PSG11: variants seen among roughly 807,000 people sequenced by gnomAD.
The protein encoded by PSG11 is pregnancy-specific beta-1-glycoprotein 11.
Under a neutral mutation model 36.0 loss-of-function variants are expected in PSG11, and 42 were observed. The observed-to-expected ratio is 1.17, with a 90% CI of 0.91 to 1.51. PSG11 has a LOEUF of 1.51. Among genes scored for constraint, PSG11 ranks in the 40% most tolerant of loss-of-function variants. The pLI is 0.00. For missense variants in PSG11, 558 were observed against 403.5 expected (o/e 1.38, Z -3.28); for synonymous variants, 206 against 153.5 (o/e 1.34, Z -2.53).
At position 43,015,390 on chromosome 19, in the gene PSG11, G is replaced by A. The variant is rs750342016; in HGVS notation, c.710-20C>T. The A allele has an allele frequency of 5.6e-6, 9 of 1,601,356 alleles. 1 individual carries two copies. Among genetic ancestry groups the A allele is most frequent in the Non-Finnish European group, 7.7e-6 (9 of 1,173,254 alleles). On this transcript the variant is annotated intron_variant, in intron 3 of 5. Transcript: ENST00000320078. Reference sequence around the variant, plus strand: ...GACCATCTGGAGGAAAGAGAATAAAGCCACAGTTGATGTCATCTGAGGGAA... The same window carrying A: ...GACCATCTGGAGGAAAGAGAATAAAACCACAGTTGATGTCATCTGAGGGAA...
chr19:43,011,616 G>C (rs371447847), intron 4 of PSG11, among the ~76,000 whole-genome samples: 1 of 151,300 alleles, frequency 6.6e-6, no homozygotes, highest in East Asian at 1.9e-4. Flanking sequence ...CTCTGAGCAT[G>C]GTGGGTCATG....
At chr19:43,010,473 T>G in intron 4 of PSG11, 2 of 1,150,688 alleles carry the variant, frequency 1.7e-6, no homozygotes, top group Non-Finnish European at 1.2e-6. Flanking sequence ...ATTCACCACC[T>G]CCTTTGCACA....
intron 3 of PSG11, among the ~76,000 whole-genome samples, chr19:43,016,839 C>T (rs535896361): frequency 6.6e-6 from 1 of 151,480 alleles, no homozygotes; most frequent in East Asian, 1.9e-4. Context: ...TGGATCTTTC[C>T]AGAAATACAT....
At position 43,016,301 on chromosome 19, in the gene PSG11, C is replaced by G. The variant is rs530983792; in HGVS notation, c.710-931G>C. Among the ~76,000 whole-genome samples, 5 of 151,398 alleles carry G rather than the reference C, an allele frequency of 3.3e-5. No individual in the cohort carries two copies. The South Asian group carries it at 1.0e-3, about 32-fold the overall frequency. On this transcript the variant is annotated intron_variant, in intron 3 of 5. Coordinates refer to ENST00000320078, the MANE Select transcript of PSG11 (RefSeq NM_002785.3). ...AGCAGTGTTGGGTCATGGACAGATA[C>G]GTCAGTGGGAGTCACAGCCCCTGGT...
intron 4 of PSG11, among the ~76,000 whole-genome samples, chr19:43,012,537 A>G (rs1974102911): frequency 6.8e-6 from 1 of 147,402 alleles, no homozygotes; most frequent in African/African-American, 2.6e-5. Flanking sequence ...AATAATTTCA[A>G]TTTATATTAA....
chr19:43,017,176 T>C (rs1486881160), intron 3 of PSG11: 1 of 151,350 alleles, frequency 6.6e-6, no homozygotes. Context: ...CTGTAGAGCT[T>C]GATGCGTATT....
intron 4 of PSG11, chr19:43,010,649 C>T (rs1440190744): frequency 1.1e-5 from 3 of 267,804 alleles, no homozygotes; most frequent in Non-Finnish European, 2.2e-5. Flanking sequence ...TTCTTTTTCA[C>T]AGGAATCAGC....
intron 4 of PSG11, among the ~76,000 whole-genome samples, chr19:43,012,367 C>G (rs950386935): frequency 6.6e-6 from 1 of 151,320 alleles, no homozygotes; most frequent in African/African-American, 2.4e-5. Flanking sequence ...TTTCTGTTTA[C>G]AGATAACTTG....
At chr19:43,012,718 T>C (rs1178082235) in intron 4 of PSG11, among the ~76,000 whole-genome samples, 1 of 151,468 alleles carries the variant, frequency 6.6e-6, no homozygotes, top group Non-Finnish European at 1.5e-5. Context: ...CTACCCAAAG[T>C]GAGCTGTGGA....
chr19:43,009,498 AT>A (rs1182470733), intron 5 of PSG11, among the ~76,000 whole-genome samples: 2 of 151,314 alleles, frequency 1.3e-5, no homozygotes, highest in Non-Finnish European at 2.9e-5. Context: ...AACTTATCAA[AT>A]AGGCTAGTGT....
At chr19:43,025,099 A>C in intron 1 of PSG11, 43 bp from the exon 2 acceptor site, 1 of 1,578,638 alleles carries the variant, frequency 6.3e-7, no homozygotes, top group Non-Finnish European at 8.6e-7. Flanking sequence ...AGACCTATGT[A>C]TTGGGGTGAA....
chr19:43,018,087 A>G (rs1453909955), intron 3 of PSG11, among the ~76,000 whole-genome samples: 2 of 151,352 alleles, frequency 1.3e-5, no homozygotes, highest in East Asian at 1.9e-4. Context: ...TGGAAAACAT[A>G]GTGCCAATGC....
chr19:43,022,379 C>A (rs1308095068), intron 2 of PSG11, among the ~76,000 whole-genome samples: 2 of 151,188 alleles, frequency 1.3e-5, no homozygotes, highest in Non-Finnish European at 2.9e-5. Context: ...GAGGCAGATT[C>A]AAGCACAAAC....
intron 4 of PSG11, among the ~76,000 whole-genome samples, chr19:43,013,573 A>C (rs1050328605): frequency 6.6e-6 from 1 of 151,250 alleles, no homozygotes; most frequent in Non-Finnish European, 1.5e-5. Flanking sequence ...CACCTCACAA[A>C]ATTTAGGATG....
intron 2 of PSG11, among the ~76,000 whole-genome samples, chr19:43,020,281 T>C (rs1350468688): frequency 1.3e-5 from 2 of 151,474 alleles, no homozygotes; most frequent in Non-Finnish European, 2.9e-5. Context: ...GCAGTACATG[T>C]ACTGGTTTAG....
Position 43,023,594 on chromosome 19 carries a change from G to A in PSG11, c.430+1097C>T, listed in dbSNP as rs193202826. Among the ~76,000 whole-genome samples the A allele has an allele frequency of 5.0e-3, 761 of 151,242 alleles. 19 individuals are homozygous for A. Among genetic ancestry groups the A allele is most frequent in the Middle Eastern group, 0.014 (4 of 292 alleles). On this transcript the variant is annotated intron_variant, in intron 2 of 5. Coordinates refer to ENST00000320078, the MANE Select transcript of PSG11 (RefSeq NM_002785.3). The stretch of plus-strand genomic sequence containing the variant: ...ATTTGCTCTCACTCCTCTGAGGTTT[G>A]GATGCCTAAGAAGAGAGGATTTGAG...
chr19:43,008,401 T>G (rs1245041706), intron 5 of PSG11, among the ~76,000 whole-genome samples: 1 of 151,032 alleles, frequency 6.6e-6, no homozygotes, highest in African/African-American at 2.4e-5. Flanking sequence ...GCCTCCTGAG[T>G]AGCTGGGACT....
At chr19:43,013,820 G>A (rs1489627095) in intron 4 of PSG11, among the ~76,000 whole-genome samples, 1 of 151,374 alleles carries the variant, frequency 6.6e-6, no homozygotes, top group East Asian at 1.9e-4. Context: ...TTTGTACACT[G>A]ATGTTTAGAG....
rs558092777 is a variant in PSG11 at position 43,026,436 on chromosome 19, C to T, written c.-64G>A. 2 of 1,587,874 alleles carry T rather than the reference C, an allele frequency of 1.3e-6. No individual in the cohort carries two copies. The highest frequency in any genetic ancestry group is 1.7e-6 in the Non-Finnish European group (2 of 1,162,736). ...GCCTAGGATCCAGAAGCTTCCAGAGCACGGCTGTCAGCTGTGCTGTCCTTC... is the reference window on the plus strand; with the variant it reads ...GCCTAGGATCCAGAAGCTTCCAGAGTACGGCTGTCAGCTGTGCTGTCCTTC... On this transcript the variant is annotated 5_prime_UTR_variant, in exon 1 of 6. Transcript: ENST00000320078.
Sources: allele counts gnomAD v4.1 joint callset (sites outside exome capture counted in the v4.1 genomes callset), GRCh38; gene constraint gnomAD v4.1.1; transcripts MANE v1.5; gene names NCBI Gene and HGNC (gene_info 2026-07-23, HGNC 2026-07-21).